Variants in MLLT1 observed in about 807,000 individuals in gnomAD.
The protein encoded by MLLT1 is protein ENL.
In MLLT1, 11 loss-of-function variants were observed where a neutral mutation model predicts 55.1. The observed-to-expected ratio is 0.20, with a 90% CI of 0.13 to 0.33. The LOEUF is 0.33. Ranked by LOEUF, MLLT1 falls within the 10% of genes least tolerant of loss-of-function variation. The probability of loss-of-function intolerance (pLI) is 1.00; values close to 1 mark genes in which losing one functional copy is unlikely to be tolerated. For synonymous variants in MLLT1, 323 were observed against 320.1 expected (o/e 1.01, Z -0.10); for missense variants, 536 against 760.6 (o/e 0.70, Z 3.47).
intron 7 of MLLT1, among the ~76,000 whole-genome samples, chr19:6,217,254 C>T (rs2090854217): frequency 6.6e-6 from 1 of 152,162 alleles, no homozygotes; most frequent in Non-Finnish European, 1.5e-5. Flanking sequence ...CCGCACACTC[C>T]TCTCCCCCAG....
chr19:6,267,320 T>G (rs1281506595), intron 2 of MLLT1, among the ~76,000 whole-genome samples: 1 of 151,502 alleles, frequency 6.6e-6, no homozygotes, highest in Non-Finnish European at 1.5e-5. Flanking sequence ...GCCAGGCTGG[T>G]CTTGAATTCT....
intron 2 of MLLT1, among the ~76,000 whole-genome samples, chr19:6,263,906 A>G (rs966891348): frequency 1.5e-5 from 2 of 129,116 alleles, no homozygotes; most frequent in African/African-American, 2.9e-5. Flanking sequence ...AGGAGTGAGG[A>G]TGAAAGCTGG....
intron 3 of MLLT1, among the ~76,000 whole-genome samples, chr19:6,244,128 A>C (rs2091144387): frequency 6.7e-6 from 1 of 149,962 alleles, no homozygotes; most frequent in Non-Finnish European, 1.5e-5. Flanking sequence ...CCCGTGACAC[A>C]CTCATAGCAC....
At chr19:6,277,099 A>G (rs2091432105) in intron 1 of MLLT1, among the ~76,000 whole-genome samples, 1 of 152,218 alleles carries the variant, frequency 6.6e-6, no homozygotes, top group Non-Finnish European at 1.5e-5. Context: ...CTCGATTCAA[A>G]GCATTTTCCC....
In MLLT1 at chr19:6,212,259, C is replaced by T; in HGVS notation, c.*783G>A. 1.4e-5 allele frequency: 15 copies of T among 1,065,002 alleles called. No homozygotes were observed. The highest frequency in any genetic ancestry group is 1.7e-5 in the Non-Finnish European group (15 of 879,248). The allele number at this position is 1,065,002 out of a possible 1,614,324, so 66.0% of individuals were successfully genotyped here. The stretch of plus-strand genomic sequence containing the variant: ...CCTTTGTAGTGTTGGCTGACCCCCC[C>T]GGGAGCCCCGGTAGGAGGCGGCGGC... On this transcript the variant is annotated 3_prime_UTR_variant, in exon 12 of 12. Coordinates refer to ENST00000252674, the MANE Select transcript of MLLT1 (RefSeq NM_005934.4).
At chr19:6,233,923 C>T (rs1006617210) in intron 3 of MLLT1, among the ~76,000 whole-genome samples, 1 of 152,240 alleles carries the variant, frequency 6.6e-6, no homozygotes, top group African/African-American at 2.4e-5. Context: ...CCCTGCCAAA[C>T]TGGGAACCTG....
At chr19:6,234,775 T>C (rs1158655986) in intron 3 of MLLT1, among the ~76,000 whole-genome samples, 2 of 151,582 alleles carry the variant, frequency 1.3e-5, no homozygotes, top group South Asian at 2.1e-4. Flanking sequence ...CTTCACCAAA[T>C]ACATAGCAAA....
At chr19:6,239,665 C>T (rs1348028011) in intron 3 of MLLT1, among the ~76,000 whole-genome samples, 1 of 151,974 alleles carries the variant, frequency 6.6e-6, no homozygotes, top group Non-Finnish European at 1.5e-5. Flanking sequence ...ATACTCATCC[C>T]TCACCTACCT....
intron 8 of MLLT1, among the ~76,000 whole-genome samples, chr19:6,214,614 C>T (rs2090820766): frequency 6.6e-6 from 1 of 152,168 alleles, no homozygotes; most frequent in South Asian, 2.1e-4. Context: ...AGGTCTTTGA[C>T]CTCTGCCTCA....
intron 3 of MLLT1, among the ~76,000 whole-genome samples, chr19:6,245,664 T>C (rs144511608): frequency 0.021 from 3,245 of 151,652 alleles, 98 homozygotes; most frequent in East Asian, 0.14. Flanking sequence ...TGAGCCAAGA[T>C]TGTGCCACTG....
Position 6,229,649 on chromosome 19 carries a change from A to G in MLLT1, c.420+921T>C, listed in dbSNP as rs2090988476. ...ATGCACACACCATACATGACACAGC[A>G]GACAGCGTATGTACATACCACACAA... On this transcript the variant is annotated intron_variant, in intron 4 of 11. Transcript: ENST00000252674. The surrounding 1 kb of genome is among the most constrained non-coding windows in gnomAD (Gnocchi z 5.2). 6.6e-6 allele frequency among the ~76,000 whole-genome samples: 1 copy of G among 151,744 alleles called. No homozygotes were observed. The highest frequency in any genetic ancestry group is 1.5e-5 in the Non-Finnish European group (1 of 67,892).
intron 7 of MLLT1, among the ~76,000 whole-genome samples, chr19:6,217,230 C>G (rs1301507113): frequency 5.3e-5 from 8 of 152,040 alleles, no homozygotes; most frequent in Admixed American, 5.2e-4. Flanking sequence ...CCAGGCCAGA[C>G]TCCCTCCACA....
At chr19:6,255,929 C>A (rs950961805) in intron 3 of MLLT1, among the ~76,000 whole-genome samples, 2 of 152,178 alleles carry the variant, frequency 1.3e-5, no homozygotes, top group Non-Finnish European at 2.9e-5. Flanking sequence ...GAGTTCAAGA[C>A]CAGCCTGGGC....
intron 2 of MLLT1, among the ~76,000 whole-genome samples, chr19:6,264,867 C>G (rs1352332486): frequency 7.1e-6 from 1 of 140,322 alleles, no homozygotes; most frequent in African/African-American, 2.7e-5. Context: ...TGCCCTCCAG[C>G]CTAGGTGACT....
chr19:6,221,102 C>T lies in MLLT1; in HGVS notation c.1110+1019G>A, dbSNP rs569997538. Among the ~76,000 whole-genome samples the T allele has an allele frequency of 8.7e-4, 132 of 152,318 alleles. 2 individuals carry two copies. The highest frequency in any genetic ancestry group is 2.1e-3 in the South Asian group (10 of 4,830). Reference sequence around the variant, plus strand: ...ATGAGCGCTGCCCACATAACCCCCTCGGGCTTTGTGGCTGGGACCTGCATT... The same window carrying T: ...ATGAGCGCTGCCCACATAACCCCCTTGGGCTTTGTGGCTGGGACCTGCATT... On this transcript the variant is annotated intron_variant, in intron 6 of 11. Coordinates refer to ENST00000252674, the MANE Select transcript of MLLT1 (RefSeq NM_005934.4).
At chr19:6,264,141 G>T (rs907200092) in intron 2 of MLLT1, among the ~76,000 whole-genome samples, 9 of 151,976 alleles carry the variant, frequency 5.9e-5, no homozygotes, top group African/African-American at 2.2e-4. Flanking sequence ...CCATAAAGCG[G>T]TTATTAAAAA....
At position 6,270,902 on chromosome 19, in the gene MLLT1, C is replaced by T. The variant is rs189577020; in HGVS notation, c.13-143G>A. 38 of 777,604 alleles carry T rather than the reference C, an allele frequency of 4.9e-5. No homozygotes were observed. The African/African-American group carries it at 6.6e-4, about 13-fold the overall frequency. The allele number at this position is 777,604 out of a possible 1,614,324, so 48.2% of individuals were successfully genotyped here. Reference sequence around the variant, plus strand: ...CAGTGAGCAGCACACAGACGGCTTCCTATCGCGCCAGCACCTTGCCGCAGA... The same window carrying T: ...CAGTGAGCAGCACACAGACGGCTTCTTATCGCGCCAGCACCTTGCCGCAGA... On this transcript the variant is annotated intron_variant, in intron 1 of 11. Transcript: ENST00000252674. The surrounding 1 kb of genome is among the most constrained non-coding windows in gnomAD (Gnocchi z 7.1).
Position 6,230,983 on chromosome 19 carries a change from G to A in MLLT1, c.277-270C>T, listed in dbSNP as rs567360544. On this transcript the variant is annotated intron_variant, in intron 3 of 11. Coordinates refer to ENST00000252674, the MANE Select transcript of MLLT1 (RefSeq NM_005934.4). This position sits in a 1 kb window ranked among gnomAD's most constrained non-coding sequence, Gnocchi z 9.0. ...GCTCTCGGACTGTTATGGGAAACAT[G>A]TACCCCCTTCAACCCTCACAGCGCC... is the stretch of plus-strand genomic sequence containing the variant. 2.0e-5 allele frequency among the ~76,000 whole-genome samples: 3 copies of A among 152,318 alleles called. No individual in the cohort carries two copies. In the East Asian group the frequency reaches 5.8e-4, roughly 29 times the overall value.
At chr19:6,239,176 C>T (rs1406054892) in intron 3 of MLLT1, among the ~76,000 whole-genome samples, 1 of 152,236 alleles carries the variant, frequency 6.6e-6, no homozygotes, top group Non-Finnish European at 1.5e-5. Flanking sequence ...TCGCGTTCAC[C>T]GGTCCACGGC....
Sources: gnomAD v4.1 joint callset for allele counts (sites outside exome capture counted in the v4.1 genomes callset) on GRCh38, gnomAD v4.1.1 for gene constraint, Gnocchi (gnomAD v3.1) non-coding constraint, MANE v1.5 for transcripts, NCBI Gene and HGNC (gene_info 2026-07-23, HGNC 2026-07-21) for gene names.